Variants in UVRAG observed in about 807,000 individuals in gnomAD.
The protein encoded by UVRAG is UV radiation resistance associated, also known as UV radiation resistance-associated gene protein.
Under a neutral mutation model 78.0 loss-of-function variants are expected in UVRAG, and 19 were observed. The observed-to-expected ratio is 0.24, with a 90% CI of 0.17 to 0.36. The LOEUF is 0.36. Among genes scored for constraint, UVRAG ranks in the 10% least tolerant of loss-of-function variants. The probability of loss-of-function intolerance (pLI) is 1.00; values close to 1 mark genes in which losing one functional copy is unlikely to be tolerated. For missense variants in UVRAG, 740 were observed against 853.8 expected (o/e 0.87, Z 1.66); for synonymous variants, 323 against 324.6 (o/e 1.00, Z 0.05).
chr11:75,940,905 A>G (rs944888967), intron 6 of UVRAG, among the ~76,000 whole-genome samples: 7 of 152,138 alleles, frequency 4.6e-5, no homozygotes, highest in African/African-American at 1.4e-4. Context: ...TAAAAGTCAA[A>G]TGTATCAAAT....
At chr11:75,834,574 G>A (rs1231394939) in intron 1 of UVRAG, among the ~76,000 whole-genome samples, 3 of 152,180 alleles carry the variant, frequency 2.0e-5, no homozygotes, top group Non-Finnish European at 4.4e-5. Context: ...CAGCACTTTG[G>A]TAGGCCGAGG....
chr11:75,815,866 C>A (rs1437195192), intron 1 of UVRAG, among the ~76,000 whole-genome samples: 1 of 152,062 alleles, frequency 6.6e-6, no homozygotes, highest in African/African-American at 2.4e-5. Context: ...CCTCGTTCCG[C>A]CCAGGAAGGG....
chr11:75,818,359 T>C (rs779273725), intron 1 of UVRAG, among the ~76,000 whole-genome samples: 1 of 152,182 alleles, frequency 6.6e-6, no homozygotes, highest in African/African-American at 2.4e-5. Context: ...TGTTGCCTTT[T>C]TTTGCTTTTA....
chr11:76,001,543 A>G (rs1043356356), intron 8 of UVRAG, among the ~76,000 whole-genome samples: 35 of 152,358 alleles, frequency 2.3e-4, no homozygotes, highest in Non-Finnish European at 7.3e-5. Context: ...TAAAATTGAT[A>G]AACCTGTAGC....
chr11:75,877,256 C>G (rs1303398216), intron 3 of UVRAG, among the ~76,000 whole-genome samples: 2 of 152,222 alleles, frequency 1.3e-5, no homozygotes, highest in African/African-American at 4.8e-5. Flanking sequence ...CTTCTTTCCA[C>G]ACAGACACGG....
intron 13 of UVRAG, among the ~76,000 whole-genome samples, chr11:76,073,195 G>T (rs1427518726): frequency 1.3e-5 from 2 of 152,162 alleles, no homozygotes; most frequent in Non-Finnish European, 2.9e-5. Context: ...TATTCTGTGT[G>T]TTGGAAAGAG....
intron 14 of UVRAG, among the ~76,000 whole-genome samples, chr11:76,132,941 C>T (rs1018303042): frequency 2.6e-5 from 4 of 152,140 alleles, no homozygotes; most frequent in Admixed American, 6.5e-5. Context: ...TTAGGTAGAC[C>T]GGCTTGGTTA....
chr11:75,833,399 G>T (rs1039547538), intron 1 of UVRAG, among the ~76,000 whole-genome samples: 1 of 152,088 alleles, frequency 6.6e-6, no homozygotes, highest in African/African-American at 2.4e-5. Context: ...TGTAGATAAG[G>T]ATATATAATT....
chr11:75,818,147 A>G (rs1277341376), intron 1 of UVRAG, among the ~76,000 whole-genome samples: 1 of 152,128 alleles, frequency 6.6e-6, no homozygotes. Context: ...GTTCTCTTCC[A>G]TCTCTGTTTT....
At chr11:75,885,649 T>C (rs1305132654) in intron 4 of UVRAG, among the ~76,000 whole-genome samples, 1 of 152,174 alleles carries the variant, frequency 6.6e-6, no homozygotes, top group Non-Finnish European at 1.5e-5. Flanking sequence ...AAGTTCTAAG[T>C]TCTATAGTTT....
chr11:76,025,556 T>C (rs1293118960), intron 12 of UVRAG, among the ~76,000 whole-genome samples: 1 of 152,194 alleles, frequency 6.6e-6, no homozygotes, highest in Non-Finnish European at 1.5e-5. Flanking sequence ...TCAGCCATTT[T>C]TCTGTTGTAG....
chr11:75,969,742 A>G (rs1005668540), intron 7 of UVRAG, among the ~76,000 whole-genome samples: 1 of 152,302 alleles, frequency 6.6e-6, no homozygotes, highest in Middle Eastern at 3.4e-3. Context: ...TGAGTAAGAA[A>G]GCATCTTGGG....
chr11:75,880,425 C>G (rs535127490), intron 4 of UVRAG, among the ~76,000 whole-genome samples: 1 of 152,284 alleles, frequency 6.6e-6, no homozygotes, highest in East Asian at 1.9e-4. Flanking sequence ...CTCTTTTGAC[C>G]AGTAGCGTTA....
intron 14 of UVRAG, among the ~76,000 whole-genome samples, chr11:76,123,067 C>G (rs1204181292): frequency 1.3e-5 from 2 of 152,192 alleles, no homozygotes; most frequent in Non-Finnish European, 2.9e-5. Flanking sequence ...TATCTGACTC[C>G]TGATCCCATA....
intron 10 of UVRAG, among the ~76,000 whole-genome samples, 167 bp downstream of exon 10, chr11:76,007,788 C>G (rs1421822472): frequency 2.0e-5 from 3 of 152,176 alleles, no homozygotes; most frequent in African/African-American, 7.2e-5. Context: ...CTTGTTTGGC[C>G]TTAGGTCCTA....
intron 13 of UVRAG, among the ~76,000 whole-genome samples, chr11:76,108,865 C>G (rs1952020817): frequency 6.6e-6 from 1 of 152,174 alleles, no homozygotes; most frequent in Non-Finnish European, 1.5e-5. Context: ...CTCCCCACTT[C>G]CCATCTAACT....
At chr11:75,849,277 G>A (rs141505226) in intron 1 of UVRAG, among the ~76,000 whole-genome samples, 1,621 of 152,022 alleles carry the variant, frequency 0.011, 13 homozygotes, top group South Asian at 0.03. Flanking sequence ...AGGCCAAGGC[G>A]GGCGGATCAC....
At chr11:75,822,880 T>C (rs536134018) in intron 1 of UVRAG, among the ~76,000 whole-genome samples, 2 of 152,036 alleles carry the variant, frequency 1.3e-5, no homozygotes, top group South Asian at 4.2e-4. Flanking sequence ...TGATCAATTA[T>C]TAAGTCAGTC....
intron 1 of UVRAG, among the ~76,000 whole-genome samples, chr11:75,835,963 T>C (rs1945766571): frequency 6.6e-6 from 1 of 151,910 alleles, no homozygotes; most frequent in Admixed American, 6.6e-5. Context: ...TAACTGGGCG[T>C]GGTGGTGTGC....
Sources: allele counts gnomAD v4.1 joint callset (sites outside exome capture counted in the v4.1 genomes callset), GRCh38; gene constraint gnomAD v4.1.1; transcripts MANE v1.5; gene names NCBI Gene and HGNC (gene_info 2026-07-23, HGNC 2026-07-21).